SLC30A8: variants seen among roughly 807,000 people sequenced by gnomAD.
SLC30A8 encodes the protein solute carrier family 30 member 8.
A neutral mutation model predicts 36.9 loss-of-function variants in SLC30A8; 27 were observed. The observed-to-expected ratio is 0.73, with a 90% confidence interval of 0.54 to 1.01. The LOEUF (loss-of-function observed/expected upper bound fraction) is 1.01. SLC30A8 is among the 50% of genes least tolerant of loss of function. The probability of loss-of-function intolerance (pLI) is 0.00; values close to 1 mark genes in which losing one functional copy is unlikely to be tolerated. For synonymous variants in SLC30A8, 164 were observed against 172.4 expected (o/e 0.95, Z 0.38); for missense variants, 439 against 452.0 (o/e 0.97, Z 0.26).
intron 2 of SLC30A8, among the ~76,000 whole-genome samples, chr8:117,111,287 A>G (rs1258925410): frequency 6.6e-6 from 1 of 152,190 alleles, no homozygotes; most frequent in East Asian, 1.9e-4. Flanking sequence ...CTTGTTGTCA[A>G]AAGTGGTGTT....
At chr8:117,054,722 A>ATT (rs1417626419) in intron 2 of SLC30A8, among the ~76,000 whole-genome samples, 3 of 151,352 alleles carry the variant, frequency 2.0e-5, no homozygotes. Context: ...TTCCAGAAAA[A>ATT]TGATAAAGGG....
chr8:116,994,722 T>G (rs73312261), intron 1 of SLC30A8, among the ~76,000 whole-genome samples: 7,587 of 152,076 alleles, frequency 0.05, 668 homozygotes, highest in African/African-American at 0.17. Context: ...ACTCATTGAG[T>G]TATAAATGTG....
At chr8:117,074,683 A>C (rs1818436115) in intron 2 of SLC30A8, among the ~76,000 whole-genome samples, 1 of 152,308 alleles carries the variant, frequency 6.6e-6, no homozygotes, top group Non-Finnish European at 1.5e-5. Context: ...AGTATGTCTT[A>C]AGTGATACTC....
intron 2 of SLC30A8, among the ~76,000 whole-genome samples, chr8:117,150,667 C>A (rs1230743515): frequency 1.3e-5 from 2 of 151,940 alleles, no homozygotes; most frequent in Non-Finnish European, 2.9e-5. Flanking sequence ...GTGCAGTGGC[C>A]CGATCTTGGC....
intron 2 of SLC30A8, among the ~76,000 whole-genome samples, chr8:117,121,946 C>T: frequency 6.6e-6 from 1 of 151,858 alleles, no homozygotes; most frequent in East Asian, 1.9e-4. Context: ...ATACTATACA[C>T]TCAGAAAAAT....
At chr8:116,994,089 T>A (rs1815736431) in intron 1 of SLC30A8, among the ~76,000 whole-genome samples, 1 of 151,618 alleles carries the variant, frequency 6.6e-6, no homozygotes, top group Non-Finnish European at 1.5e-5. Flanking sequence ...TAGGCTCAGA[T>A]AGCTTCACTG....
rs576783767 is a variant in SLC30A8 at position 117,059,826 on chromosome 8, A to T, written c.-226+20568A>T. On this transcript the variant is annotated intron_variant, in intron 2 of 10. Coordinates refer to the SLC30A8 transcript ENST00000427715. ...CACGAAGATTGGGGCGTGTTTTGGG[A>T]TGATTAGTTTGGTAGCTGTGAGTAG... Among the ~76,000 whole-genome samples the T allele has an allele frequency of 1.2e-4, 19 of 152,216 alleles. No homozygotes were observed. In the South Asian group the frequency reaches 2.9e-3, roughly 23 times the overall value.
chr8:117,081,366 C>G (rs569718568), intron 2 of SLC30A8, among the ~76,000 whole-genome samples: 64 of 152,312 alleles, frequency 4.2e-4, no homozygotes, highest in African/African-American at 1.5e-3. Context: ...CCTTGGCTTG[C>G]AGATGGCCGT....
intron 1 of SLC30A8, among the ~76,000 whole-genome samples, chr8:117,023,256 C>G (rs1379557299): frequency 6.6e-6 from 1 of 152,176 alleles, no homozygotes; most frequent in Non-Finnish European, 1.5e-5. Context: ...AAGAGGAACA[C>G]TTTTACACTG....
Position 117,176,627 on chromosome 8 carries a change from C to T in SLC30A8, c.*3946C>T, listed in dbSNP as rs1162316704. On this transcript the variant is annotated 3_prime_UTR_variant, in exon 8 of 8. Coordinates refer to ENST00000456015, the MANE Select transcript of SLC30A8 (RefSeq NM_173851.3). ...TTTAACTTTCTGATTTCACACTTAACGTCTGTCATTCTGTTACTGGGCACC... is the reference window on the plus strand; with the variant it reads ...TTTAACTTTCTGATTTCACACTTAATGTCTGTCATTCTGTTACTGGGCACC... 6.6e-6 allele frequency: 1 copy of T among 152,444 alleles called. No homozygotes were observed. Among genetic ancestry groups the T allele is most frequent in the Non-Finnish European group, 1.5e-5 (1 of 67,976 alleles). 9.4% of individuals were successfully genotyped at this position (152,444 alleles called of 1,614,324 possible). A position where few individuals can be genotyped will look rare whatever the true frequency, so the allele number is the denominator to read the frequency against.
At chr8:117,127,906 A>G (rs529024251) in intron 2 of SLC30A8, among the ~76,000 whole-genome samples, 1 of 152,188 alleles carries the variant, frequency 6.6e-6, no homozygotes, top group South Asian at 2.1e-4. Flanking sequence ...CTAGCTTGCA[A>G]TGAGTTGTAT....
At chr8:117,021,676 T>G (rs557007685) in intron 1 of SLC30A8, among the ~76,000 whole-genome samples, 1 of 152,298 alleles carries the variant, frequency 6.6e-6, no homozygotes, top group South Asian at 2.1e-4. Flanking sequence ...CTGCATGGAT[T>G]TGCAAAAGGT....
chr8:117,063,019 A>G (rs1332846144), intron 2 of SLC30A8, among the ~76,000 whole-genome samples: 1 of 152,194 alleles, frequency 6.6e-6, no homozygotes, highest in Non-Finnish European at 1.5e-5. Flanking sequence ...GCTGCTGATG[A>G]CATAATGCTT....
At chr8:117,069,189 A>G (rs887255853) in intron 2 of SLC30A8, among the ~76,000 whole-genome samples, 2 of 152,262 alleles carry the variant, frequency 1.3e-5, no homozygotes, top group African/African-American at 2.4e-5. Context: ...AATAGCTATA[A>G]TCCCATCTAC....
chr8:116,964,633 T>G (rs562091487), intron 1 of SLC30A8, among the ~76,000 whole-genome samples: 1 of 152,188 alleles, frequency 6.6e-6, no homozygotes, highest in Non-Finnish European at 1.5e-5. Flanking sequence ...ATGACTTGCC[T>G]AATGGATCAA....
chr8:117,140,180 A>C (rs1245077441), intron 1 of SLC30A8, among the ~76,000 whole-genome samples: 1 of 152,088 alleles, frequency 6.6e-6, no homozygotes, highest in Non-Finnish European at 1.5e-5. Flanking sequence ...TTGAAGATAG[A>C]TTGGAAGATA....
chr8:117,110,828 C>G (rs540752449), intron 2 of SLC30A8, among the ~76,000 whole-genome samples: 1 of 152,080 alleles, frequency 6.6e-6, no homozygotes, highest in South Asian at 2.1e-4. Flanking sequence ...ACAATAGCCC[C>G]GAGAGATGAG....
At chr8:116,974,635 C>T (rs1298023569) in intron 1 of SLC30A8, among the ~76,000 whole-genome samples, 4 of 152,098 alleles carry the variant, frequency 2.6e-5, no homozygotes, top group African/African-American at 9.7e-5. Context: ...GTGGTGATTC[C>T]TCAAGGATCT....
intron 1 of SLC30A8, among the ~76,000 whole-genome samples, chr8:116,984,740 ATATT>A (rs1815384247): frequency 6.6e-6 from 1 of 152,222 alleles, no homozygotes; most frequent in East Asian, 1.9e-4. Flanking sequence ...TTTAGAGTAT[ATATT>A]CTAGATACAA....
Sources: gnomAD v4.1 joint callset for allele counts (sites outside exome capture counted in the v4.1 genomes callset) on GRCh38, gnomAD v4.1.1 for gene constraint, MANE v1.5 for transcripts, NCBI Gene and HGNC (gene_info 2026-07-23, HGNC 2026-07-21) for gene names.